Variants in NCK2 observed in about 807,000 individuals in gnomAD.
NCK2 encodes the protein cytoplasmic protein NCK2.
NCK2 carries 16 observed loss-of-function variants against 33.9 expected under a neutral mutation model. The ratio of observed to expected loss-of-function variants is 0.47; its 90% CI spans 0.32 to 0.72. NCK2 has a LOEUF of 0.72. Ranked by LOEUF, NCK2 falls within the 30% of genes least tolerant of loss-of-function variation. The probability of loss-of-function intolerance (pLI) is 0.03; values close to 1 mark genes in which losing one functional copy is unlikely to be tolerated. For missense variants in NCK2, 418 were observed against 537.3 expected, an observed-to-expected ratio of 0.78 and a Z score of 2.19; for synonymous variants, 273 against 239.9, an observed-to-expected ratio of 1.14 and a Z score of -1.27.
chr2:105,810,929 A>C (rs1675272489), intron 1 of NCK2, among the ~76,000 whole-genome samples: 1 of 152,164 alleles, frequency 6.6e-6, no homozygotes, highest in South Asian at 2.1e-4. Context: ...TAATCTCAGC[A>C]CTTTGGGAGG....
chr2:105,880,134 A>G (rs759929583), intron 3 of NCK2, among the ~76,000 whole-genome samples: 6 of 152,254 alleles, frequency 3.9e-5, no homozygotes, highest in Non-Finnish European at 8.8e-5. Flanking sequence ...CCTCATGCAC[A>G]GGAAGAAATG....
intron 1 of NCK2, among the ~76,000 whole-genome samples, chr2:105,788,246 T>C (rs1690750815): frequency 6.6e-6 from 1 of 152,198 alleles, no homozygotes. Flanking sequence ...TGTCTTTTGC[T>C]TAAAGGATTT....
intron 3 of NCK2, among the ~76,000 whole-genome samples, chr2:105,868,493 G>A (rs550230652): frequency 1.3e-5 from 2 of 152,326 alleles, no homozygotes; most frequent in African/African-American, 4.8e-5. Context: ...AAGGAACATA[G>A]TTGTTGATTG....
chr2:105,868,194 C>T (rs1322096728), intron 3 of NCK2, among the ~76,000 whole-genome samples: 5 of 152,226 alleles, frequency 3.3e-5, no homozygotes, highest in Non-Finnish European at 7.3e-5. Flanking sequence ...TTCTGCACAT[C>T]AGCCTGCATT....
At chr2:105,781,789 C>T (rs953729094) in intron 1 of NCK2, among the ~76,000 whole-genome samples, 3 of 152,202 alleles carry the variant, frequency 2.0e-5, no homozygotes, top group African/African-American at 7.2e-5. Flanking sequence ...AATTTGTAGA[C>T]ATGTCTGTTT....
chr2:105,775,024 T>C (rs1690257074), intron 1 of NCK2, among the ~76,000 whole-genome samples: 2 of 152,046 alleles, frequency 1.3e-5, no homozygotes, highest in Non-Finnish European at 2.9e-5. Flanking sequence ...ACAATGATAA[T>C]AATAATATAA....
At chr2:105,840,671 G>C (rs904283387) in intron 2 of NCK2, among the ~76,000 whole-genome samples, 22 of 152,230 alleles carry the variant, frequency 1.4e-4, no homozygotes, top group Admixed American at 2.6e-4. Flanking sequence ...ATAAACTGGG[G>C]TTCCCATGTT....
intron 2 of NCK2, among the ~76,000 whole-genome samples, chr2:105,836,441 C>T (rs889241696): frequency 6.6e-6 from 1 of 152,030 alleles, no homozygotes; most frequent in Non-Finnish European, 1.5e-5. Context: ...GTTTTGGAGG[C>T]GTGGTGTGGC....
At chr2:105,856,137 C>T (rs1677260347) in intron 3 of NCK2, among the ~76,000 whole-genome samples, 2 of 152,194 alleles carry the variant, frequency 1.3e-5, no homozygotes, top group African/African-American at 4.8e-5. Flanking sequence ...CCCGGCTCCC[C>T]ATGTGCCTCT....
chr2:105,825,343 A>G (rs1675899989), intron 2 of NCK2, among the ~76,000 whole-genome samples: 1 of 152,238 alleles, frequency 6.6e-6, no homozygotes, highest in Non-Finnish European at 1.5e-5. Flanking sequence ...ATAATTCATC[A>G]TAAATTCAAA....
chr2:105,868,878 G>C (rs1418840122), intron 3 of NCK2, among the ~76,000 whole-genome samples: 1 of 152,214 alleles, frequency 6.6e-6, no homozygotes, highest in Non-Finnish European at 1.5e-5. Context: ...ACTTGGCCAG[G>C]GCTATGAGTC....
intron 1 of NCK2, among the ~76,000 whole-genome samples, chr2:105,764,173 A>T (rs12986783): frequency 6.6e-6 from 1 of 152,136 alleles, no homozygotes; most frequent in Non-Finnish European, 1.5e-5. Flanking sequence ...CGCCTGTGCA[A>T]TGATCCTTGG....
At chr2:105,849,591 T>A (rs1332638903) in intron 2 of NCK2, among the ~76,000 whole-genome samples, 1 of 152,102 alleles carries the variant, frequency 6.6e-6, no homozygotes, top group East Asian at 1.9e-4. Context: ...AGACAATAAG[T>A]AAGTGACCAG....
At chr2:105,870,869 G>C (rs114018770) in intron 3 of NCK2, among the ~76,000 whole-genome samples, 3,080 of 152,210 alleles carry the variant, frequency 0.02, 124 homozygotes, top group African/African-American at 0.069. Flanking sequence ...CAGTAACAGC[G>C]GTGCTTTCAC....
At chr2:105,891,428 T>C (rs1157003398) in intron 4 of NCK2, among the ~76,000 whole-genome samples, 1 of 152,158 alleles carries the variant, frequency 6.6e-6, no homozygotes, top group Non-Finnish European at 1.5e-5. Flanking sequence ...CTAATTGTTA[T>C]TCATTTAATG....
chr2:105,802,029 G>A (rs144924545), intron 1 of NCK2, among the ~76,000 whole-genome samples: 82 of 152,220 alleles, frequency 5.4e-4, no homozygotes, highest in Middle Eastern at 6.8e-3. Flanking sequence ...CTCCAGGAAG[G>A]CCTCAACTGC....
At chr2:105,887,354 G>A (rs1396087819) in intron 4 of NCK2, among the ~76,000 whole-genome samples, 2 of 152,182 alleles carry the variant, frequency 1.3e-5, no homozygotes, top group African/African-American at 4.8e-5. Flanking sequence ...TTTACCAAAA[G>A]AAAAGAATGA....
chr2:105,836,221 G>A (rs1396376005), intron 2 of NCK2, among the ~76,000 whole-genome samples: 3 of 151,538 alleles, frequency 2.0e-5, no homozygotes, highest in Non-Finnish European at 4.4e-5. Context: ...TATCTGCACT[G>A]TTAGCGAAAT....
chr2:105,778,101 T>A (rs1481435552), intron 1 of NCK2, among the ~76,000 whole-genome samples: 1 of 151,948 alleles, frequency 6.6e-6, no homozygotes, highest in Non-Finnish European at 1.5e-5. Flanking sequence ...CTCTGTGAAG[T>A]GAGAGAAATT....
Sources: allele counts gnomAD v4.1 joint callset (sites outside exome capture counted in the v4.1 genomes callset), GRCh38; gene constraint gnomAD v4.1.1; transcripts MANE v1.5; gene names NCBI Gene and HGNC (gene_info 2026-07-23, HGNC 2026-07-21).